Variants in NME6 observed in about 807,000 individuals in gnomAD.
NME6 encodes NME/NM23 nucleoside diphosphate kinase 6, also known as nucleoside diphosphate kinase 6, mitochondrial.
Under a neutral mutation model 22.2 loss-of-function variants are expected in NME6, and 16 were observed. The observed-to-expected ratio is 0.72, with a 90% confidence interval of 0.49 to 1.09. NME6 has a LOEUF of 1.09. Ranked by LOEUF, NME6 falls within the 50% of genes least tolerant of loss-of-function variation. The pLI is 0.00. For synonymous variants in NME6, 58 were observed against 85.2 expected, an observed-to-expected ratio of 0.68 and a Z score of 1.76; for missense variants, 229 against 239.0, an observed-to-expected ratio of 0.96 and a Z score of 0.28.
At chr3:48,290,660 A>G (rs2034389805), downstream of NME6, 1 of 153,600 alleles carries the variant, frequency 6.5e-6, no homozygotes, top group East Asian at 1.9e-4. Flanking sequence ...AGCATGAAAA[A>G]TTGAGTGTGT....
chr3:48,298,803 C>T (rs1425300268), intron 1 of NME6, among the ~76,000 whole-genome samples: 1 of 152,162 alleles, frequency 6.6e-6, no homozygotes, highest in African/African-American at 2.4e-5. Context: ...TTAAAAGAAA[C>T]TCAAGTTTAA....
At chr3:48,299,535 C>CAAG (rs1362458984) in intron 1 of NME6, among the ~76,000 whole-genome samples, 4 of 151,842 alleles carry the variant, frequency 2.6e-5, no homozygotes, top group African/African-American at 9.7e-5. Context: ...GGCAACAAAG[C>CAAG]AAGACCCTGA....
downstream of NME6, among the ~76,000 whole-genome samples, chr3:48,289,053 T>C (rs1457355940): frequency 6.6e-6 from 1 of 150,788 alleles, no homozygotes; most frequent in Non-Finnish European, 1.5e-5. Flanking sequence ...CCTGAAGAGA[T>C]GGACATTTAA....
At chr3:48,301,265 C>G (rs753367676) in intron 1 of NME6, 88 bp downstream of exon 1, 1 of 1,593,420 alleles carries the variant, frequency 6.3e-7, no homozygotes, top group East Asian at 2.3e-5. Context: ...CCGCGCAGCC[C>G]TCACCCCTCG....
In NME6 at chr3:48,296,110, T is replaced by G. The variant is rs756370567; in HGVS notation, c.233+9A>C. 7 of 1,594,844 alleles carry G rather than the reference T, an allele frequency of 4.4e-6. No homozygotes were observed. The South Asian group carries it at 6.6e-5, about 15-fold the overall frequency. ...GTGGATAAAGATGCTGGAACCAAATTTGAAGTACCTGGCCATGAACTCCAC... is the reference window on the plus strand; with the variant it reads ...GTGGATAAAGATGCTGGAACCAAATGTGAAGTACCTGGCCATGAACTCCAC... On this transcript the variant is annotated intron_variant, in intron 4 of 5. Coordinates refer to ENST00000442597, the MANE Select transcript of NME6 (RefSeq NM_001308426.2).
rs1176209225 is a variant in NME6, at chr3:48,292,430, CTTAA to C, written c.*2203_*2206del. ...ATAATTCTGTGTCTCTTGTGGGTGT[CTTAA>C]TTGTCAGATTTTGTACGCTTTGACC... is the stretch of plus-strand genomic sequence containing the variant. On this transcript the variant is annotated 3_prime_UTR_variant, in exon 6 of 6. Transcript: ENST00000442597. 3.9e-5 allele frequency: 6 copies of C among 152,078 alleles called. No individual in the cohort carries two copies. Among genetic ancestry groups the C allele is most frequent in the Middle Eastern group, 3.2e-3 (1 of 316 alleles). The allele number at this position is 152,078 out of a possible 1,614,324, so 9.4% of individuals were successfully genotyped here. A position where few individuals can be genotyped will look rare whatever the true frequency, so the allele number is the denominator to read the frequency against.
intron 2 of NME6, chr3:48,297,753 G>A (rs1040590948): frequency 1.3e-5 from 2 of 152,956 alleles, no homozygotes; most frequent in Admixed American, 1.3e-4. Context: ...AATTGTGAAG[G>A]CTTCTCAATG....
At chr3:48,298,743 C>A (rs1032973033) in intron 1 of NME6, among the ~76,000 whole-genome samples, 1 of 152,140 alleles carries the variant, frequency 6.6e-6, no homozygotes, top group South Asian at 2.1e-4. Context: ...CAAGTTCCCC[C>A]GTGGAGTATA....
At chr3:48,296,964 G>A (rs2035180443) in intron 2 of NME6, 135 bp from the exon 3 acceptor site, 1 of 638,620 alleles carries the variant, frequency 1.6e-6, no homozygotes, top group Non-Finnish European at 2.7e-6. Context: ...GTGGGGTGAG[G>A]TGAAGACCTT....
Position 48,293,814 on chromosome 3 carries a change from GT to G in NME6, c.*822del, listed in dbSNP as rs2034753930. 1.3e-5 allele frequency: 2 copies of G among 152,210 alleles called. No homozygotes were observed. Among genetic ancestry groups the G allele is most frequent in the South Asian group, 4.1e-4 (2 of 4,824 alleles). The allele number at this position is 152,210 out of a possible 1,614,324, so 9.4% of individuals were successfully genotyped here. A position where few individuals can be genotyped will look rare whatever the true frequency, so the allele number is the denominator to read the frequency against. ...GAATAGAGAATTTATGAAAATAAAT[GT>G]TTGCATAAGCTGATAAAGGAGATGA... On this transcript the variant is annotated 3_prime_UTR_variant, in exon 6 of 6. Transcript: ENST00000442597.
downstream of NME6, among the ~76,000 whole-genome samples, chr3:48,289,639 T>C (rs1045919010): frequency 2.6e-5 from 4 of 152,182 alleles, no homozygotes; most frequent in Non-Finnish European, 5.9e-5. Context: ...CCACACCTAG[T>C]CTTCATCTGA....
At chr3:48,301,173 T>C in intron 1 of NME6, 180 bp downstream of exon 1, 2 of 1,260,142 alleles carry the variant, frequency 1.6e-6, no homozygotes, top group Non-Finnish European at 2.2e-6. Flanking sequence ...CCTGCGCCCC[T>C]ACCCCCGTGG....
At position 48,294,711 on chromosome 3, in the gene NME6, A is replaced by G; in HGVS notation, c.487T>C (p.Cys163Arg). 6.2e-7 allele frequency: 1 copy of G among 1,614,208 alleles called. No homozygotes were observed. Among genetic ancestry groups the G allele is most frequent in the Non-Finnish European group, 8.5e-7 (1 of 1,180,038 alleles). The stretch of plus-strand genomic sequence containing the variant: ...TCTGGGCTATAGCACACAGGGCCAC[A>G]GCGCAACTGGGGCTCTTCCTCCTCA... ...WYEEEEPQLRCGPVCYSPEGG... is the reference protein window; with the variant it reads ...WYEEEEPQLRRGPVCYSPEGG... Residue 163 changes from cysteine (C) to arginine (R), a missense_variant, in exon 6 of 6, where the codon TGT becomes CGT. Physicochemically the swap from Cys to Arg is radical, Grantham distance 180. Coordinates refer to ENST00000442597, the MANE Select transcript of NME6 (RefSeq NM_001308426.2).
In NME6 at chr3:48,294,616, AC is replaced by A. The variant is rs2034856366; in HGVS notation, c.*20del. On this transcript the variant is annotated 3_prime_UTR_variant, in exon 6 of 6. Transcript: ENST00000442597. The stretch of plus-strand genomic sequence containing the variant: ...GTCTAGGAGAAGTCTGGGCACTACC[AC>A]TGGTCTTCATAGACCTGCATCAGGC... The A allele has an allele frequency of 1.2e-5, 19 of 1,611,112 alleles. No individual in the cohort carries two copies. Among genetic ancestry groups the A allele is most frequent in the Non-Finnish European group, 1.4e-5 (17 of 1,177,808 alleles).
downstream of NME6, among the ~76,000 whole-genome samples, chr3:48,290,510 T>A (rs1284853617): frequency 6.6e-6 from 1 of 152,216 alleles, no homozygotes. Context: ...TTGAAATGTA[T>A]AATACTCTAC....
chr3:48,295,266 C>T lies in NME6; in HGVS notation c.234-31G>A, dbSNP rs556327683. 4 of 1,593,478 alleles carry T rather than the reference C, an allele frequency of 2.5e-6. No homozygotes were observed. The East Asian group carries it at 9.0e-5, about 36-fold the overall frequency. ...AACAAAACAAGCACATGTAAAGAAC[C>T]TGGCCATCTAGACTAGGAGGGTGTG... is the stretch of plus-strand genomic sequence containing the variant. On this transcript the variant is annotated intron_variant, in intron 4 of 5. Coordinates refer to ENST00000442597, the MANE Select transcript of NME6 (RefSeq NM_001308426.2).
chr3:48,296,095 A>T, intron 4 of NME6, 24 bp downstream of exon 4: 1 of 1,485,776 alleles, frequency 6.7e-7, no homozygotes, highest in South Asian at 1.1e-5. Context: ...GTGGATAAAG[A>T]TGCTGGAACC....
downstream of NME6, chr3:48,290,615 A>T (rs1409089220): frequency 6.5e-6 from 1 of 153,686 alleles, no homozygotes; most frequent in Non-Finnish European, 1.5e-5. Context: ...CATCATTTAA[A>T]TTTTTTAAAT....
chr3:48,294,088 T>C lies in NME6; in HGVS notation c.*549A>G, dbSNP rs1485362939. Reference sequence around the variant, plus strand: ...GGCAAGTCAATTAGACAAGCTTCTTTTTTTTTTTTTTTGAGACAGAATGTC... The same window carrying C: ...GGCAAGTCAATTAGACAAGCTTCTTCTTTTTTTTTTTTGAGACAGAATGTC... On this transcript the variant is annotated 3_prime_UTR_variant, in exon 6 of 6. Coordinates refer to ENST00000442597, the MANE Select transcript of NME6 (RefSeq NM_001308426.2). 6.6e-6 allele frequency: 1 copy of C among 151,056 alleles called. No individual in the cohort carries two copies. The highest frequency in any genetic ancestry group is 2.4e-5 in the African/African-American group (1 of 41,290). 9.4% of individuals were successfully genotyped at this position (151,056 alleles called of 1,614,324 possible).
Sources: gnomAD v4.1 joint callset for allele counts (sites outside exome capture counted in the v4.1 genomes callset) on GRCh38, gnomAD v4.1.1 for gene constraint, MANE v1.5 for transcripts, NCBI Gene and HGNC (gene_info 2026-07-23, HGNC 2026-07-21) for gene names.